Variants in PTPRD observed in about 807,000 individuals in gnomAD.
PTPRD encodes receptor-type tyrosine-protein phosphatase delta.
PTPRD carries 34 observed loss-of-function variants against 214.5 expected under a neutral mutation model. That is an observed-to-expected ratio of 0.16 (90% CI 0.12 to 0.21). The LOEUF (loss-of-function observed/expected upper bound fraction) is 0.21. PTPRD is among the 10% of genes least tolerant of loss of function. The pLI is 1.00. For synonymous variants in PTPRD, 1,128 were observed against 845.7 expected (o/e 1.33, Z -5.79); for missense variants, 2,545 against 2,398.7 (o/e 1.06, Z -1.27).
At chr9:9,189,137 C>G (rs1393095187) in intron 9 of PTPRD, among the ~76,000 whole-genome samples, 1 of 152,014 alleles carries the variant, frequency 6.6e-6, no homozygotes, top group African/African-American at 2.4e-5. Flanking sequence ...TAAGTGTTCA[C>G]TGAGCTGTTT....
At chr9:8,353,018 G>C (rs574285685) in intron 39 of PTPRD, among the ~76,000 whole-genome samples, 1 of 152,284 alleles carries the variant, frequency 6.6e-6, no homozygotes, top group South Asian at 2.1e-4. Flanking sequence ...GGCTGAGACA[G>C]GAGAATCGCT....
chr9:9,141,153 C>A (rs2099859736), intron 10 of PTPRD, among the ~76,000 whole-genome samples: 1 of 148,050 alleles, frequency 6.8e-6, no homozygotes, highest in Admixed American at 6.8e-5. Flanking sequence ...TCTCTCCCAT[C>A]CTCCCCTCCC....
rs548710989 is a variant in PTPRD at position 9,934,215 on chromosome 9, A to C, written c.-368+4292T>G. On this transcript the variant is annotated intron_variant, in intron 5 of 45. Transcript: ENST00000381196. ...CATTCAAAAGCTAGCAGAAGGCAAG[A>C]AATAAGTAAGATCAGAGCAGAACTG... Among the ~76,000 whole-genome samples, 122 of 148,364 alleles carry C rather than the reference A, an allele frequency of 8.2e-4. 15 individuals carry two copies. The highest frequency in any genetic ancestry group is 3.0e-3 in the African/African-American group (117 of 38,634).
chr9:8,488,039 G>T (rs1056477090), intron 27 of PTPRD, among the ~76,000 whole-genome samples: 1 of 152,024 alleles, frequency 6.6e-6, no homozygotes, highest in Non-Finnish European at 1.5e-5. Flanking sequence ...AATTATGAAT[G>T]TGAAGAAAAA....
In PTPRD at chr9:8,518,417, G is replaced by C. The variant is rs1296307100; in HGVS notation, c.974C>G (p.Pro325Arg). The change falls in exon 21 of 46, where the codon CCT becomes CGT. Residue 325 changes from proline (P) to arginine (R), a missense_variant. Coordinates refer to ENST00000381196, the MANE Select transcript of PTPRD (RefSeq NM_002839.4). ...CTCGGTCACTACAGGAGTTCCTGGA[G>C]GTTTGGGTAAGGCTTGGATGGGGGA... is the stretch of plus-strand genomic sequence containing the variant. ...AQITVKALPK[P>R]PGTPVVTEST... The C allele has an allele frequency of 6.2e-7, 1 of 1,603,826 alleles. No homozygotes were observed. Among genetic ancestry groups the C allele is most frequent in the East Asian group, 2.2e-5 (1 of 44,826 alleles).
intron 35 of PTPRD, among the ~76,000 whole-genome samples, chr9:8,410,863 G>T (rs565697192): frequency 6.6e-6 from 1 of 152,200 alleles, no homozygotes; most frequent in East Asian, 1.9e-4. Context: ...GACATGCAGG[G>T]AACAAAAAGG....
At chr9:8,610,513 C>A (rs10977230) in intron 14 of PTPRD, among the ~76,000 whole-genome samples, 37,917 of 152,030 alleles carry the variant, frequency 0.25, 6,483 homozygotes, top group African/African-American at 0.49. Flanking sequence ...AAACTAAAAA[C>A]CAAGGGCTGA....
intron 8 of PTPRD, among the ~76,000 whole-genome samples, chr9:9,545,814 T>C (rs1282084275): frequency 6.6e-6 from 1 of 151,826 alleles, no homozygotes; most frequent in East Asian, 1.9e-4. Context: ...TTAGAATTAG[T>C]TTATTGATAT....
chr9:8,688,238 G>T (rs528579823), intron 12 of PTPRD, among the ~76,000 whole-genome samples: 1 of 152,202 alleles, frequency 6.6e-6, no homozygotes, highest in African/African-American at 2.4e-5. Context: ...AAGATCAAAT[G>T]ATGAATACAC....
intron 30 of PTPRD, among the ~76,000 whole-genome samples, chr9:8,475,236 A>C (rs1278466552): frequency 6.6e-6 from 1 of 152,000 alleles, no homozygotes; most frequent in African/African-American, 2.4e-5. Flanking sequence ...TCAAAAGGGG[A>C]GTTTCTGGTA....
chr9:8,527,923 T>G (rs1343367370), intron 15 of PTPRD, among the ~76,000 whole-genome samples: 4 of 152,104 alleles, frequency 2.6e-5, no homozygotes, highest in Non-Finnish European at 5.9e-5. Context: ...GTAGAAAATG[T>G]TCACTCACAA....
chr9:9,427,183 G>C (rs938119743), intron 8 of PTPRD, among the ~76,000 whole-genome samples: 7 of 152,102 alleles, frequency 4.6e-5, no homozygotes, highest in South Asian at 2.1e-4. Flanking sequence ...TAGACGAATG[G>C]CTGACTAGAA....
At chr9:10,446,150 G>A (rs540207421) in intron 2 of PTPRD, among the ~76,000 whole-genome samples, 16 of 152,114 alleles carry the variant, frequency 1.1e-4, no homozygotes, top group Middle Eastern at 3.4e-3. Context: ...AATAGAAAGA[G>A]GAGAAAGGAT....
intron 35 of PTPRD, among the ~76,000 whole-genome samples, chr9:8,408,285 T>A (rs964211940): frequency 4.6e-5 from 7 of 152,186 alleles, no homozygotes; most frequent in African/African-American, 7.2e-5. Flanking sequence ...CAAAACAATT[T>A]GAAATAAGCA....
intron 9 of PTPRD, among the ~76,000 whole-genome samples, chr9:9,208,173 C>T (rs1277762792): frequency 1.3e-5 from 2 of 151,606 alleles, no homozygotes; most frequent in South Asian, 2.1e-4. Flanking sequence ...CGCCACCACG[C>T]CCGGCTAATT....
chr9:10,144,004 T>C (rs983427859), intron 3 of PTPRD, among the ~76,000 whole-genome samples: 28 of 152,118 alleles, frequency 1.8e-4, no homozygotes, highest in Non-Finnish European at 7.4e-5. Context: ...CTCAGCATCA[T>C]TTAATAAAAC....
intron 35 of PTPRD, among the ~76,000 whole-genome samples, chr9:8,418,250 C>A (rs1277582833): frequency 6.7e-6 from 1 of 150,120 alleles, no homozygotes; most frequent in African/African-American, 2.5e-5. Context: ...TAAATTCTAC[C>A]TTCCTTTCAA....
chr9:9,435,751 T>C (rs1228094380), intron 8 of PTPRD, among the ~76,000 whole-genome samples: 1 of 152,200 alleles, frequency 6.6e-6, no homozygotes, highest in African/African-American at 2.4e-5. Context: ...TCAATACTTA[T>C]TACATGTAAT....
chr9:8,750,229 C>G (rs951377146), intron 11 of PTPRD, among the ~76,000 whole-genome samples: 1 of 152,074 alleles, frequency 6.6e-6, no homozygotes, highest in Non-Finnish European at 1.5e-5. Context: ...AGGATCTCAG[C>G]TCACTGCAAC....
Sources: gnomAD v4.1 joint callset for allele counts (sites outside exome capture counted in the v4.1 genomes callset) on GRCh38, gnomAD v4.1.1 for gene constraint, MANE v1.5 for transcripts, NCBI Gene and HGNC (gene_info 2026-07-23, HGNC 2026-07-21) for gene names.